Variants in ZSCAN30 observed in about 807,000 individuals in gnomAD.
The protein encoded by ZSCAN30 is zinc finger and SCAN domain containing 30.
In ZSCAN30, 37 loss-of-function variants were observed where a neutral mutation model predicts 44.3. That is an observed-to-expected ratio of 0.84 (90% CI 0.64 to 1.10). ZSCAN30 has a LOEUF of 1.10. ZSCAN30 is among the 50% of genes least tolerant of loss of function. The pLI is 0.00. For missense variants in ZSCAN30, 549 were observed against 582.6 expected (o/e 0.94, Z 0.59); for synonymous variants, 181 against 204.6 (o/e 0.88, Z 0.98).
chr18:35,257,660 C>T lies in ZSCAN30; in HGVS notation c.554-3279G>A, dbSNP rs1336238219. 5 of 525,990 alleles carry T rather than the reference C, an allele frequency of 9.5e-6. No individual in the cohort carries two copies. The East Asian group carries it at 1.6e-4, about 17-fold the overall frequency. The allele number at this position is 525,990 out of a possible 1,614,324, so 32.6% of individuals were successfully genotyped here. On this transcript the variant is annotated intron_variant, in intron 3 of 3. Transcript: ENST00000333206. ...GTTGATGGTATTTTGTTATAGCAGTCCTAACCGATTAAGACAGCTCCTAAC... is the reference window on the plus strand; with the variant it reads ...GTTGATGGTATTTTGTTATAGCAGTTCTAACCGATTAAGACAGCTCCTAAC...
At chr18:35,277,177 C>T (rs142377748) in intron 1 of ZSCAN30, among the ~76,000 whole-genome samples, 1 of 152,302 alleles carries the variant, frequency 6.6e-6, no homozygotes, top group East Asian at 1.9e-4. Context: ...CCCATCATAT[C>T]CAGGAAGTAA....
At chr18:35,262,569 GTGTTTGTTTC>G (rs1277668106) in intron 3 of ZSCAN30, 1 of 152,144 alleles carries the variant, frequency 6.6e-6, no homozygotes. Context: ...CATGTTCTTT[GTGTTTGTTTC>G]TGTAGCACAT....
intron 3 of ZSCAN30, 188 bp downstream of exon 3, chr18:35,263,325 C>T: frequency 1.6e-6 from 1 of 626,360 alleles, no homozygotes; most frequent in Non-Finnish European, 2.6e-6. Flanking sequence ...AATTCTTAAC[C>T]CAAAGTTACA....
rs543467988 is a variant in ZSCAN30, at chr18:35,285,123, C to T, written c.-104+4961G>A. The T allele has an allele frequency of 2.6e-5, 4 of 153,398 alleles. No homozygotes were observed. The South Asian group carries it at 8.2e-4, about 32-fold the overall frequency. The allele number at this position is 153,398 out of a possible 1,614,324, so 9.5% of individuals were successfully genotyped here. The stretch of plus-strand genomic sequence containing the variant: ...TGGCCACTCCAGATGGTCCAGATGG[C>T]CCACTGTTGCCATCAACAACACTCC... On this transcript the variant is annotated intron_variant, in intron 1 of 3. Coordinates refer to ENST00000333206, the MANE Select transcript of ZSCAN30 (RefSeq NM_001112734.4).
At chr18:35,280,743 T>C (rs1262698598) in intron 1 of ZSCAN30, 1 of 152,258 alleles carries the variant, frequency 6.6e-6, no homozygotes, top group Non-Finnish European at 1.5e-5. Context: ...TTAAAGATCT[T>C]ATTCACAACA....
chr18:35,266,385 G>A (rs1385644986), intron 1 of ZSCAN30, among the ~76,000 whole-genome samples: 1 of 152,106 alleles, frequency 6.6e-6, no homozygotes, highest in Non-Finnish European at 1.5e-5. Flanking sequence ...GACTGTGAGA[G>A]ACTGAGCTAT....
chr18:35,257,917 C>G (rs774897211), intron 3 of ZSCAN30: 1 of 781,092 alleles, frequency 1.3e-6, no homozygotes, highest in Admixed American at 1.7e-5. Flanking sequence ...GCTTCTCTCT[C>G]TCCATTACAG....
Position 35,251,282 on chromosome 18 carries a change from T to C in ZSCAN30, c.*2168A>G, listed in dbSNP as rs1430814645. Reference sequence around the variant, plus strand: ...TTGGGGGTGGTTTATACTTTCTCATTTTCTGTATTACCAACACTTACAATT... The same window carrying C: ...TTGGGGGTGGTTTATACTTTCTCATCTTCTGTATTACCAACACTTACAATT... On this transcript the variant is annotated 3_prime_UTR_variant, in exon 4 of 4. Coordinates refer to ENST00000333206, the MANE Select transcript of ZSCAN30 (RefSeq NM_001112734.4). 1 of 152,190 alleles carries C rather than the reference T, an allele frequency of 6.6e-6. No homozygotes were observed. The highest frequency in any genetic ancestry group is 1.5e-5 in the Non-Finnish European group (1 of 68,036). 9.4% of individuals were successfully genotyped at this position (152,190 alleles called of 1,614,324 possible).
chr18:35,278,973 C>T (rs991185031), intron 1 of ZSCAN30, among the ~76,000 whole-genome samples: 1 of 152,168 alleles, frequency 6.6e-6, no homozygotes, highest in Non-Finnish European at 1.5e-5. Context: ...TATGTATTCC[C>T]TAAAATGTAA....
At chr18:35,276,137 T>C (rs2044362950) in intron 1 of ZSCAN30, among the ~76,000 whole-genome samples, 1 of 152,242 alleles carries the variant, frequency 6.6e-6, no homozygotes, top group Non-Finnish European at 1.5e-5. Flanking sequence ...GATTTGGATA[T>C]CAAAGTAATA....
In ZSCAN30 at chr18:35,270,673, G is replaced by A. The variant is rs371799579; in HGVS notation, c.-103-6218C>T. On this transcript the variant is annotated intron_variant, in intron 1 of 3. Transcript: ENST00000333206. ...TCAGCTCACTGCAACCTCCCCCTCC[G>A]CGGCTCAAGCAATTCTCCTGTCTCA... is the stretch of plus-strand genomic sequence containing the variant. Among the ~76,000 whole-genome samples the A allele has an allele frequency of 1.9e-3, 282 of 152,154 alleles. 2 individuals carry two copies. Among genetic ancestry groups the A allele is most frequent in the African/African-American group, 6.5e-3 (270 of 41,496 alleles).
rs183089972 is a variant in ZSCAN30 at position 35,254,911 on chromosome 18, T to G, written c.554-530A>C. 3.5e-3 allele frequency: 565 copies of G among 159,668 alleles called. 4 individuals are homozygous for G. The highest frequency in any genetic ancestry group is 0.013 in the African/African-American group (532 of 41,600). 9.9% of individuals were successfully genotyped at this position (159,668 alleles called of 1,614,324 possible). ...GCATTAAGGCAATTTCAGATTCTGA[T>G]AGGTTCCAAATGAATTAAATAATTA... On this transcript the variant is annotated intron_variant, in intron 3 of 3. Coordinates refer to ENST00000333206, the MANE Select transcript of ZSCAN30 (RefSeq NM_001112734.4).
chr18:35,256,609 T>A (rs1267691055), intron 3 of ZSCAN30, among the ~76,000 whole-genome samples: 1 of 151,998 alleles, frequency 6.6e-6, no homozygotes, highest in Non-Finnish European at 1.5e-5. Flanking sequence ...AATACTTGCA[T>A]AGAGAGAACC....
At chr18:35,263,187 T>C in intron 3 of ZSCAN30, 1 of 372,292 alleles carries the variant, frequency 2.7e-6, no homozygotes, top group Non-Finnish European at 5.1e-6. Context: ...GCTGCTGCAG[T>C]GAGCTGTGGT....
chr18:35,284,979 G>A (rs1312392311), intron 1 of ZSCAN30: 1 of 154,940 alleles, frequency 6.5e-6, no homozygotes, highest in African/African-American at 2.4e-5. Flanking sequence ...AGCTATGCCT[G>A]GGGAGCTCCC....
In ZSCAN30 at chr18:35,264,210, C is replaced by G. The variant is rs373204256; in HGVS notation, c.143G>C (p.Arg48Pro). 1.2e-6 allele frequency: 2 copies of G among 1,614,196 alleles called. No homozygotes were observed. Among genetic ancestry groups the G allele is most frequent in the Non-Finnish European group, 8.5e-7 (1 of 1,180,034 alleles). ...GTAACTAAACTGCCTGAACTTCTGC[C>G]GGAATACCTCTTGGCTCCAGGGGTT... is the stretch of plus-strand genomic sequence containing the variant. Reference protein sequence around the residue: ...QENPWSQEVFRQKFRQFSYSD... With the variant: ...QENPWSQEVFPQKFRQFSYSD... Residue 48 changes from arginine (R) to proline (P), a missense_variant, in exon 2 of 4, where the codon CGG (arginine) becomes CCG (proline). Coordinates refer to ENST00000333206, the MANE Select transcript of ZSCAN30 (RefSeq NM_001112734.4).
At chr18:35,289,918 G>T (rs2044623471) in intron 1 of ZSCAN30, 166 bp downstream of exon 1, 1 of 152,142 alleles carries the variant, frequency 6.6e-6, no homozygotes, top group South Asian at 2.1e-4. Flanking sequence ...AAGGCCTCCA[G>T]GTGATTCTGA....
intron 1 of ZSCAN30, among the ~76,000 whole-genome samples, chr18:35,277,625 C>T (rs1415363714): frequency 3.2e-4 from 48 of 152,106 alleles, no homozygotes; most frequent in African/African-American, 1.2e-4. Context: ...GTAAGTTTCC[C>T]GAAGCCTCCC....
chr18:35,265,033 C>T (rs1305380523), intron 1 of ZSCAN30, among the ~76,000 whole-genome samples: 1 of 151,882 alleles, frequency 6.6e-6, no homozygotes, highest in African/African-American at 2.4e-5. Context: ...ATAGTCCCAG[C>T]TACTTGGGAG....
Sources: gnomAD v4.1 joint callset for allele counts (sites outside exome capture counted in the v4.1 genomes callset) on GRCh38, gnomAD v4.1.1 for gene constraint, MANE v1.5 for transcripts, NCBI Gene and HGNC (gene_info 2026-07-23, HGNC 2026-07-21) for gene names.